The following ACTR3C variants were observed in gnomAD, a reference collection of about 807,000 sequenced individuals.
ACTR3C encodes actin related protein 3C.
In ACTR3C, 18 loss-of-function variants were observed where a neutral mutation model predicts 26.3. The ratio of observed to expected loss-of-function variants is 0.68; its 90% confidence interval spans 0.47 to 1.01. The LOEUF is 1.01. ACTR3C is among the 50% of genes least tolerant of loss of function. The pLI is 0.00. For synonymous variants in ACTR3C, 55 were observed against 94.5 expected, an observed-to-expected ratio of 0.58 and a Z score of 2.42; for missense variants, 184 against 250.7, an observed-to-expected ratio of 0.73 and a Z score of 1.80.
chr7:150,176,821 C>T, the ACTR3C span, among the ~76,000 whole-genome samples: 4 of 150,808 alleles, frequency 2.7e-5, no homozygotes, highest in Admixed American at 2.0e-4. Context: ...AATAAAGATG[C>T]TTTTAAAAAC....
At chr7:149,983,474 CA>C in the ACTR3C span, among the ~76,000 whole-genome samples, 1 of 48,724 alleles carries the variant, frequency 2.1e-5, no homozygotes, top group Non-Finnish European at 5.0e-5. Flanking sequence ...TGTAGGAAAA[CA>C]AATGTTGACA....
At chr7:150,107,181 G>A in the ACTR3C span, among the ~76,000 whole-genome samples, 1 of 146,626 alleles carries the variant, frequency 6.8e-6, no homozygotes, top group Non-Finnish European at 1.5e-5. Flanking sequence ...TGCTGCCGAG[G>A]TTGATACATC....
chr7:149,988,666 T>TAACCCACAGAAGTCTCATGATGAGAG, the ACTR3C span, among the ~76,000 whole-genome samples: 1 of 152,180 alleles, frequency 6.6e-6, no homozygotes, highest in Non-Finnish European at 1.5e-5. Context: ...GCCCAGTCCC[T>TAACCCACAGAAGTCTCATGATGAGAG]AACCCACAGA....
chr7:150,211,109 T>G, the ACTR3C span, among the ~76,000 whole-genome samples: 1 of 149,156 alleles, frequency 6.7e-6, no homozygotes, highest in Non-Finnish European at 1.5e-5. Context: ...CTAGCAACTA[T>G]AAGGCACCCT....
intron 5 of ACTR3C, among the ~76,000 whole-genome samples, chr7:150,285,890 G>T (rs190008480): frequency 6.6e-6 from 1 of 152,204 alleles, no homozygotes; most frequent in Admixed American, 6.5e-5. Flanking sequence ...AGAAATGCTG[G>T]CCTTAGACAG....
At chr7:150,141,325 T>C in the ACTR3C span, among the ~76,000 whole-genome samples, 2 of 152,098 alleles carry the variant, frequency 1.3e-5, no homozygotes, top group African/African-American at 4.8e-5. Flanking sequence ...CTAGTTTGAG[T>C]CCCTCCAAAA....
At chr7:150,306,227 T>C (rs2129614775) in intron 1 of ACTR3C, among the ~76,000 whole-genome samples, 1 of 152,204 alleles carries the variant, frequency 6.6e-6, no homozygotes, top group African/African-American at 2.4e-5. Context: ...TACATTTTAC[T>C]ATCTCATGTA....
chr7:150,018,531 T>C, the ACTR3C span, among the ~76,000 whole-genome samples: 1 of 149,836 alleles, frequency 6.7e-6, no homozygotes, highest in Non-Finnish European at 1.5e-5. Flanking sequence ...TGGGTTTCCT[T>C]GATTCCAAAG....
the ACTR3C span, among the ~76,000 whole-genome samples, chr7:150,157,368 T>G: frequency 1.3e-5 from 2 of 150,470 alleles, no homozygotes; most frequent in Non-Finnish European, 2.9e-5. Flanking sequence ...TTTCTACACT[T>G]TATTTGAAAG....
chr7:150,164,087 T>G, the ACTR3C span, among the ~76,000 whole-genome samples: 104,420 of 148,842 alleles, frequency 0.7, 36,366 homozygotes, highest in South Asian at 0.8. Flanking sequence ...CCACGTGTCT[T>G]GACCAAGCCA....
the ACTR3C span, among the ~76,000 whole-genome samples, chr7:149,907,817 T>C: frequency 8.2e-3 from 1,254 of 152,152 alleles, 11 homozygotes; most frequent in Non-Finnish European, 0.011. Context: ...AAAATCTAAT[T>C]TTCTGCTTTG....
the ACTR3C span, among the ~76,000 whole-genome samples, chr7:150,029,954 C>T: frequency 2.1e-5 from 3 of 145,372 alleles, no homozygotes; most frequent in Admixed American, 1.4e-4. Context: ...TCCTAATCAT[C>T]GAATCTCCCA....
chr7:150,278,018 C>T (rs1032920703), intron 6 of ACTR3C, among the ~76,000 whole-genome samples: 3 of 152,162 alleles, frequency 2.0e-5, no homozygotes, highest in African/African-American at 7.2e-5. Context: ...AATGTTGGCC[C>T]CTGTGCCTTC....
chr7:150,139,990 G>A, the ACTR3C span, among the ~76,000 whole-genome samples: 5 of 151,328 alleles, frequency 3.3e-5, no homozygotes, highest in East Asian at 5.8e-4. Flanking sequence ...ACACACATAC[G>A]CATGCACACA....
chr7:150,264,716 C>T (rs1294363381), intron 6 of ACTR3C: 1 of 974,352 alleles, frequency 1.0e-6, no homozygotes, highest in African/African-American at 1.8e-5. Flanking sequence ...CCCCACTTGG[C>T]CATGGCAAGT....
chr7:150,180,244 G>T, the ACTR3C span, among the ~76,000 whole-genome samples: 1 of 149,930 alleles, frequency 6.7e-6, no homozygotes, highest in Non-Finnish European at 1.5e-5. Context: ...GGCGGAGCTT[G>T]CAGTGAGCCG....
chr7:150,238,831 G>T, the ACTR3C span, among the ~76,000 whole-genome samples: 1 of 147,298 alleles, frequency 6.8e-6, no homozygotes, highest in Non-Finnish European at 1.5e-5. Context: ...AGTTGTATTT[G>T]TCTGATTATA....
chr7:150,059,681 CTTTATA>C, the ACTR3C span, among the ~76,000 whole-genome samples: 1 of 152,152 alleles, frequency 6.6e-6, no homozygotes. Flanking sequence ...TTTATCTGCA[CTTTATA>C]TTTAGGTTGT....
chr7:149,906,143 A>G, the ACTR3C span, among the ~76,000 whole-genome samples: 1 of 152,194 alleles, frequency 6.6e-6, no homozygotes, highest in Admixed American at 6.5e-5. Context: ...CCAGGCAGAA[A>G]GTTATTTACG....
Sources: allele counts gnomAD v4.1 joint callset (sites outside exome capture counted in the v4.1 genomes callset), GRCh38; gene constraint gnomAD v4.1.1; transcripts MANE v1.5; gene names NCBI Gene and HGNC (gene_info 2026-07-23, HGNC 2026-07-21).